The following RBMS1 variants were observed in gnomAD, a reference collection of about 807,000 sequenced individuals.
The protein encoded by RBMS1 is RNA-binding motif, single-stranded-interacting protein 1.
RBMS1 carries 17 observed loss-of-function variants against 62.3 expected under a neutral mutation model. That is an observed-to-expected ratio of 0.27 (90% CI 0.19 to 0.41). RBMS1 has a LOEUF of 0.41. Among genes scored for constraint, RBMS1 ranks in the 10% least tolerant of loss-of-function variants. RBMS1 has a pLI of 1.00. For missense variants in RBMS1, 334 were observed against 504.5 expected, an observed-to-expected ratio of 0.66 and a Z score of 3.24; for synonymous variants, 172 against 170.0, an observed-to-expected ratio of 1.01 and a Z score of -0.09.
intron 7 of RBMS1, 24 bp from the exon 8 acceptor site, chr2:160,285,068 A>G (rs185235145): frequency 1.2e-6 from 2 of 1,601,998 alleles, no homozygotes; most frequent in Admixed American, 1.7e-5. Context: ...AAAGAAATAT[A>G]AACATTCATC....
At chr2:160,366,381 C>A (rs1046308284) in intron 2 of RBMS1, among the ~76,000 whole-genome samples, 1 of 152,176 alleles carries the variant, frequency 6.6e-6, no homozygotes, top group Non-Finnish European at 1.5e-5. Context: ...TCTTCTATTG[C>A]AGTTATGCAA....
intron 9 of RBMS1, chr2:160,284,182 C>G (rs1027426437): frequency 3.3e-5 from 5 of 153,818 alleles, no homozygotes; most frequent in African/African-American, 1.2e-4. Flanking sequence ...AAAATCAAAT[C>G]AAATCTTGAA....
intron 9 of RBMS1, chr2:160,284,344 A>G: frequency 5.8e-6 from 1 of 171,730 alleles, no homozygotes; most frequent in South Asian, 1.4e-4. Flanking sequence ...TACCTACTAG[A>G]GACACATCTT....
chr2:160,459,568 G>A (rs181426229), intron 1 of RBMS1, among the ~76,000 whole-genome samples: 3 of 152,130 alleles, frequency 2.0e-5, no homozygotes, highest in African/African-American at 4.8e-5. Context: ...TTTAAAAAAC[G>A]TTTTCCTCTT....
chr2:160,479,101 G>C (rs1685259692), intron 1 of RBMS1, among the ~76,000 whole-genome samples: 2 of 152,248 alleles, frequency 1.3e-5, no homozygotes, highest in African/African-American at 4.8e-5. Context: ...TGGCAGGATA[G>C]AGAAACTTTA....
At chr2:160,336,915 C>G (rs2105989799) in intron 2 of RBMS1, among the ~76,000 whole-genome samples, 1 of 152,250 alleles carries the variant, frequency 6.6e-6, no homozygotes, top group East Asian at 1.9e-4. Context: ...ATGGCTAACA[C>G]AGTTGCAGAC....
At chr2:160,423,022 C>T (rs1030644380) in intron 1 of RBMS1, among the ~76,000 whole-genome samples, 1 of 152,092 alleles carries the variant, frequency 6.6e-6, no homozygotes, top group Admixed American at 6.6e-5. Context: ...CTCTCAAATA[C>T]ATATCTATAC....
At chr2:160,468,376 C>T (rs1684782240) in intron 1 of RBMS1, among the ~76,000 whole-genome samples, 1 of 152,144 alleles carries the variant, frequency 6.6e-6, no homozygotes, top group Non-Finnish European at 1.5e-5. Flanking sequence ...TAGTTTTGGA[C>T]TGTTTGCCAA....
rs1253055974 is a variant in RBMS1 at position 160,488,020 on chromosome 2, T to C, written c.75+5269A>G. 3.3e-5 allele frequency among the ~76,000 whole-genome samples: 5 copies of C among 152,238 alleles called. No homozygotes were observed. In the East Asian group the frequency reaches 5.8e-4, roughly 18 times the overall value. On this transcript the variant is annotated intron_variant, in intron 1 of 13. Coordinates refer to ENST00000348849, the MANE Select transcript of RBMS1 (RefSeq NM_016836.4). ...TGGGAGATATATGTTCAGTTTGTGG[T>C]TGGCTTAGCTGTTACCATCCTCTCT...
At chr2:160,487,807 G>A (rs1685658379) in intron 1 of RBMS1, among the ~76,000 whole-genome samples, 1 of 152,120 alleles carries the variant, frequency 6.6e-6, no homozygotes, top group Admixed American at 6.5e-5. Context: ...AGACAACATG[G>A]GGAGAGAATA....
intron 1 of RBMS1, among the ~76,000 whole-genome samples, chr2:160,405,968 T>C (rs1695682937): frequency 6.6e-6 from 1 of 152,218 alleles, no homozygotes; most frequent in Admixed American, 6.5e-5. Context: ...ATTTATGAAG[T>C]TGATGTAAGT....
At chr2:160,413,634 A>G (rs1304565432) in intron 1 of RBMS1, among the ~76,000 whole-genome samples, 1 of 152,234 alleles carries the variant, frequency 6.6e-6, no homozygotes, top group African/African-American at 2.4e-5. Context: ...GAGTCCTACC[A>G]GAAGCCATAG....
intron 1 of RBMS1, among the ~76,000 whole-genome samples, chr2:160,409,637 GTCTGTGCATC>G (rs1228441614): frequency 6.6e-6 from 1 of 152,140 alleles, no homozygotes; most frequent in Non-Finnish European, 1.5e-5. Flanking sequence ...CAGACCTGTC[GTCTGTGCATC>G]TATGGAAAAA....
chr2:160,376,123 A>G (rs148396358), intron 1 of RBMS1, among the ~76,000 whole-genome samples: 201 of 152,310 alleles, frequency 1.3e-3, no homozygotes, highest in African/African-American at 4.5e-3. Flanking sequence ...TAAAGTCCTC[A>G]GGGTGGAAAA....
chr2:160,324,903 T>TACACACAC (rs1293841336), intron 2 of RBMS1, among the ~76,000 whole-genome samples: 9 of 118,984 alleles, frequency 7.6e-5, no homozygotes, highest in African/African-American at 2.2e-4. Context: ...TATATATATA[T>TACACACAC]ATATACACAC....
chr2:160,365,512 A>G (rs1693349199), intron 2 of RBMS1, among the ~76,000 whole-genome samples: 1 of 152,258 alleles, frequency 6.6e-6, no homozygotes, highest in African/African-American at 2.4e-5. Context: ...CACATTTGTA[A>G]TATGATTCAG....
intron 1 of RBMS1, among the ~76,000 whole-genome samples, chr2:160,479,191 A>C (rs201927575): frequency 6.6e-6 from 1 of 152,260 alleles, no homozygotes; most frequent in Non-Finnish European, 1.5e-5. Flanking sequence ...TTTTGGCCCC[A>C]CAGCCATAAC....
Position 160,277,289 on chromosome 2 carries a change from T to A in RBMS1, c.1143+14A>T. ...ACTTATAGCCAGAATGGTCACTGGATGGTCTCTACCAACCTCAACAGGAAC... is the reference window on the plus strand; with the variant it reads ...ACTTATAGCCAGAATGGTCACTGGAAGGTCTCTACCAACCTCAACAGGAAC... On this transcript the variant is annotated intron_variant, in intron 12 of 13. Coordinates refer to ENST00000348849, the MANE Select transcript of RBMS1 (RefSeq NM_016836.4). The A allele has an allele frequency of 1.9e-6, 3 of 1,586,202 alleles. No individual in the cohort carries two copies. The highest frequency in any genetic ancestry group is 2.2e-5 in the South Asian group (2 of 90,192).
intron 1 of RBMS1, among the ~76,000 whole-genome samples, chr2:160,378,171 G>A (rs1396670943): frequency 6.6e-6 from 1 of 151,468 alleles, no homozygotes; most frequent in African/African-American, 2.4e-5. Flanking sequence ...ACACACCTAT[G>A]AAATTGATAA....
Sources: allele counts gnomAD v4.1 joint callset (sites outside exome capture counted in the v4.1 genomes callset), GRCh38; gene constraint gnomAD v4.1.1; transcripts MANE v1.5; gene names NCBI Gene and HGNC (gene_info 2026-07-23, HGNC 2026-07-21).